NTN3: variants seen among roughly 807,000 people sequenced by gnomAD.
The protein encoded by NTN3 is netrin-3.
NTN3 carries 44 observed loss-of-function variants against 37.2 expected under a neutral mutation model. The ratio of observed to expected loss-of-function variants is 1.18; its 90% confidence interval spans 0.93 to 1.52. The LOEUF is 1.52. NTN3 is among the 40% of genes most tolerant of loss of function. NTN3 has a pLI of 0.00. For synonymous variants in NTN3, 385 were observed against 376.0 expected, an observed-to-expected ratio of 1.02 and a Z score of -0.28; for missense variants, 882 against 857.3, an observed-to-expected ratio of 1.03 and a Z score of -0.36.
In NTN3 at chr16:2,473,849, A is replaced by AGCGC; in HGVS notation, c.1493_1496dup (p.Arg500AlafsTer5). On this transcript the variant is annotated frameshift_variant, in exon 6 of 6. Transcript: ENST00000293973. LOFTEE classifies it low-confidence loss of function (END_TRUNC). ...CTCGCCGTGTTCCGGAGCGGAGAGG[A>AGCGC]GCGCGCGCGGCGCGGGAGTAGCGCG... is the stretch of plus-strand genomic sequence containing the variant. 1.5e-6 allele frequency: 2 copies of AGCGC among 1,323,020 alleles called. No homozygotes were observed. The highest frequency in any genetic ancestry group is 1.9e-6 in the Non-Finnish European group (2 of 1,043,162). The allele number at this position is 1,323,020 out of a possible 1,614,324, so 82.0% of individuals were successfully genotyped here.
Position 2,473,932 on chromosome 16 carries a change from C to A in NTN3, c.1570C>A (p.Arg524Ser), listed in dbSNP as rs569502071. 3.1e-3 allele frequency: 3,681 copies of A among 1,183,128 alleles called. 9 individuals are homozygous for A. Among genetic ancestry groups the A allele is most frequent in the Non-Finnish European group, 3.6e-3 (3,482 of 957,212 alleles). 73.3% of individuals were successfully genotyped at this position (1,183,128 alleles called of 1,614,324 possible). A position where few individuals can be genotyped will look rare whatever the true frequency, so the allele number is the denominator to read the frequency against. ...CTGCCCGCGCCTGCTCCCCGGCCGC[C>A]GCTACCTCCTGCTGGGGGGCGGGCC... ...CGCPRLLPGR[R>S]YLLLGGGPGA... The change falls in exon 6 of 6, where the codon CGC (arginine) becomes AGC (serine). Residue 524 changes from arginine (R) to serine (S), a missense_variant. Coordinates refer to ENST00000293973, the MANE Select transcript of NTN3 (RefSeq NM_006181.3).
rs542612178 is a variant in NTN3, at chr16:2,471,804, G to C, written c.103G>C (p.Gly35Arg). 14 of 1,390,872 alleles carry C rather than the reference G, an allele frequency of 1.0e-5. No homozygotes were observed. Among genetic ancestry groups the C allele is most frequent in the Non-Finnish European group, 1.3e-5 (14 of 1,081,748 alleles). The allele number at this position is 1,390,872 out of a possible 1,614,324, so 86.2% of individuals were successfully genotyped here. ...APADPCHDEG[G>R]APRGCVPGLV... ...CGCCGACCCCTGCCACGATGAGGGG[G>C]GTGCGCCCCGCGGCTGCGTGCCAGG... Residue 35 changes from glycine (G) to arginine (R), a missense_variant, in exon 1 of 6, where the codon GGT becomes CGT. By Grantham distance (125) the Gly-to-Arg change is moderately radical. Coordinates refer to ENST00000293973, the MANE Select transcript of NTN3 (RefSeq NM_006181.3).
rs1322578936 is a variant in NTN3 at position 2,471,870 on chromosome 16, A to G, written c.169A>G (p.Ser57Gly). The change falls in exon 1 of 6, where the codon AGC becomes GGC. Residue 57 changes from serine (S) to glycine (G), a missense_variant. Ser to Gly is a moderately conservative substitution (Grantham distance 56, BLOSUM62 0). Transcript: ENST00000293973. ...CCTGGGCCGCGAGGTGCTGGCTTCCAGCACGTGCGGGCGGCCGGCCACTCG... is the reference window on the plus strand; with the variant it reads ...CCTGGGCCGCGAGGTGCTGGCTTCCGGCACGTGCGGGCGGCCGGCCACTCG... ...AALGREVLAS[S>G]TCGRPATRAC... The G allele has an allele frequency of 2.7e-6, 4 of 1,467,014 alleles. No homozygotes were observed. Among genetic ancestry groups the G allele is most frequent in the Non-Finnish European group, 3.6e-6 (4 of 1,107,880 alleles). The allele number at this position is 1,467,014 out of a possible 1,614,324, so 90.9% of individuals were successfully genotyped here.
chr16:2,472,364 T>G lies in NTN3; in HGVS notation c.663T>G (p.Arg221=), dbSNP rs1254056818. ...LQDWVTATDV[R]VVLTRPSTAG... Reference sequence around the variant, plus strand: ...ACTGGGTGACCGCCACCGACGTCCGTGTAGTGCTCACAAGGCCTAGCACGG... The same window carrying G: ...ACTGGGTGACCGCCACCGACGTCCGGGTAGTGCTCACAAGGCCTAGCACGG... The change falls in exon 1 of 6, where the codon CGT becomes CGG. Residue 221 remains arginine (R), a synonymous_variant. Coordinates refer to ENST00000293973, the MANE Select transcript of NTN3 (RefSeq NM_006181.3). 2.5e-6 allele frequency: 4 copies of G among 1,612,600 alleles called. No homozygotes were observed. The highest frequency in any genetic ancestry group is 3.4e-6 in the Non-Finnish European group (4 of 1,179,764).
intron 3 of NTN3, 22 bp from the exon 4 acceptor site, chr16:2,473,246 C>G: frequency 6.2e-7 from 1 of 1,611,786 alleles, no homozygotes; most frequent in Non-Finnish European, 8.5e-7. Flanking sequence ...CATCGCAGGC[C>G]ATTCTCCCTC....
Position 2,471,779 on chromosome 16 carries a change from C to T in NTN3, c.78C>T (p.Pro26=), listed in dbSNP as rs1226356017. ...CCCTGAGTCCTGGGCCGCCGGCGCC[C>T]GCCGACCCCTGCCACGATGAGGGGG... The part of the protein sequence containing the change: ...FAALSPGPPA[P]ADPCHDEGGA... Residue 26 remains proline (P), a synonymous_variant, in exon 1 of 6, where the codon CCC becomes CCT. Coordinates refer to ENST00000293973, the MANE Select transcript of NTN3 (RefSeq NM_006181.3). 1 of 1,382,358 alleles carries T rather than the reference C, an allele frequency of 7.2e-7. No homozygotes were observed. The highest frequency in any genetic ancestry group is 1.7e-5 in the South Asian group (1 of 60,028). The allele number at this position is 1,382,358 out of a possible 1,614,324, so 85.6% of individuals were successfully genotyped here.
Position 2,471,683 on chromosome 16 carries a change from A to G in NTN3, c.-19A>G. 7.6e-7 allele frequency: 1 copy of G among 1,314,592 alleles called. No individual in the cohort carries two copies. 81.4% of individuals were successfully genotyped at this position (1,314,592 alleles called of 1,614,324 possible). A position where few individuals can be genotyped will look rare whatever the true frequency, so the allele number is the denominator to read the frequency against. ...CGTCTTGGGGCCCGGCCACTGGCTG[A>G]CCCGCAGCGGCTCCGGCCATGCCTG... On this transcript the variant is annotated 5_prime_UTR_variant, in exon 1 of 6. Transcript: ENST00000293973.
chr16:2,472,484 C>T lies in NTN3; in HGVS notation c.783C>T (p.Ala261=), dbSNP rs1204959263. The change falls in exon 1 of 6, where the codon GCC becomes GCT. Residue 261 remains alanine (A), a synonymous_variant. Transcript: ENST00000293973. ...VGGRCKCNGH[A]SRCLLDTQGH... is the part of the protein sequence containing the mutation. ...GGCGCTGCAAGTGCAATGGACATGC[C>T]TCACGGTGCCTGCTGGACACACAGG... 2 of 1,595,468 alleles carry T rather than the reference C, an allele frequency of 1.3e-6. No homozygotes were observed. Among genetic ancestry groups the T allele is most frequent in the East Asian group, 2.2e-5 (1 of 44,870 alleles).
At position 2,471,461 on chromosome 16, in the gene NTN3, A is replaced by C; in HGVS notation, c.-241A>C. 2.8e-6 allele frequency: 1 copy of C among 351,290 alleles called. No individual in the cohort carries two copies. Among genetic ancestry groups the C allele is most frequent in the Non-Finnish European group, 5.1e-6 (1 of 196,648 alleles). The allele number at this position is 351,290 out of a possible 1,614,324, so 21.8% of individuals were successfully genotyped here. ...GGCCTCCGCGGGCGGAGGCACCGGGAGCGGGGGCGACGCCTGTCATCGCTC... is the reference window on the plus strand; with the variant it reads ...GGCCTCCGCGGGCGGAGGCACCGGGCGCGGGGGCGACGCCTGTCATCGCTC... On this transcript the variant is annotated 5_prime_UTR_variant, in exon 1 of 6. Transcript: ENST00000293973.
At position 2,472,779 on chromosome 16, in the gene NTN3, G is replaced by C; in HGVS notation, c.1007G>C (p.Gly336Ala). 1.2e-6 allele frequency: 2 copies of C among 1,608,522 alleles called. No individual in the cohort carries two copies. The highest frequency in any genetic ancestry group is 1.7e-6 in the Non-Finnish European group (2 of 1,179,640). The change falls in exon 2 of 6, where the codon GGT becomes GCT. Residue 336 changes from glycine to alanine, a missense_variant. Gly to Ala is a moderately conservative substitution (Grantham distance 60). Coordinates refer to ENST00000293973, the MANE Select transcript of NTN3 (RefSeq NM_006181.3). The stretch of plus-strand genomic sequence containing the variant: ...CGACTGTCCGGCCGCCGCAGCGGGG[G>C]TGTCTGTCTCAACTGCCGGCACAAC... Reference protein sequence around the residue: ...LYRLSGRRSGGVCLNCRHNTA... With the variant: ...LYRLSGRRSGAVCLNCRHNTA...
chr16:2,472,280 C>A lies in NTN3; in HGVS notation c.579C>A (p.Phe193Leu), dbSNP rs760204032. The change falls in exon 1 of 6, where the codon TTC (phenylalanine) becomes TTA (leucine). Residue 193 changes from phenylalanine (F) to leucine (L), a missense_variant. Phe to Leu is a conservative substitution (Grantham distance 22, BLOSUM62 0). Coordinates refer to ENST00000293973, the MANE Select transcript of NTN3 (RefSeq NM_006181.3). ...AQPDGSGLLA[F>L]SMQDSSPPGL... is the part of the protein sequence containing the mutation. ...CTGATGGCAGCGGCCTTCTGGCCTT[C>A]AGCATGCAGGACAGCAGCCCCCCAG... 6 of 1,607,428 alleles carry A rather than the reference C, an allele frequency of 3.7e-6. No individual in the cohort carries two copies. Among genetic ancestry groups the A allele is most frequent in the Non-Finnish European group, 5.1e-6 (6 of 1,176,664 alleles).
Position 2,472,472 on chromosome 16 carries a change from C to G in NTN3, c.771C>G (p.Cys257Trp). The G allele has an allele frequency of 6.3e-7, 1 of 1,596,210 alleles. No individual in the cohort carries two copies. Among genetic ancestry groups the G allele is most frequent in the Non-Finnish European group, 8.6e-7 (1 of 1,164,502 alleles). Residue 257 changes from cysteine to tryptophan, a missense_variant, in exon 1 of 6, where the codon TGC (cysteine) becomes TGG (tryptophan). Transcript: ENST00000293973. Reference protein sequence around the residue: ...TDLQVGGRCKCNGHASRCLLD... With the variant: ...TDLQVGGRCKWNGHASRCLLD... ...TCCAGGTGGGCGGGCGCTGCAAGTG[C>G]AATGGACATGCCTCACGGTGCCTGC... is the stretch of plus-strand genomic sequence containing the variant.
chr16:2,472,014 GTGACTC>G lies in NTN3; in HGVS notation c.315_320del (p.Leu107_Thr108del). 6.2e-7 allele frequency: 1 copy of G among 1,606,370 alleles called. No homozygotes were observed. Among genetic ancestry groups the G allele is most frequent in the African/African-American group, 1.3e-5 (1 of 75,044 alleles). ...GTCCCTGCCTCGGGCGCCCCTCAAC[GTGACTC>G]TCACGGTGCCCCTGGGCAAGGCTTT... On this transcript the variant is annotated inframe_deletion, in exon 1 of 6. Coordinates refer to ENST00000293973, the MANE Select transcript of NTN3 (RefSeq NM_006181.3).
At position 2,472,037 on chromosome 16, in the gene NTN3, C is replaced by G. The variant is rs1160926718; in HGVS notation, c.336C>G (p.Gly112=). The change falls in exon 1 of 6, where the codon GGC becomes GGG. Residue 112 remains glycine (G), a synonymous_variant. Coordinates refer to ENST00000293973, the MANE Select transcript of NTN3 (RefSeq NM_006181.3). ...PLNVTLTVPL[G]KAFELVFVSL... is the part of the protein sequence containing the mutation. ...ACGTGACTCTCACGGTGCCCCTGGG[C>G]AAGGCTTTTGAGCTGGTCTTCGTGA... The G allele has an allele frequency of 6.2e-7, 1 of 1,608,728 alleles. No individual in the cohort carries two copies.
Position 2,471,565 on chromosome 16 carries a change from G to A in NTN3, c.-137G>A. On this transcript the variant is annotated 5_prime_UTR_variant, in exon 1 of 6. Transcript: ENST00000293973. Reference sequence around the variant, plus strand: ...CGTGCCCGCCGCTGCTCCCACCTCTGGGCCGGGCTGGGGCCGCCCGGGGGC... The same window carrying A: ...CGTGCCCGCCGCTGCTCCCACCTCTAGGCCGGGCTGGGGCCGCCCGGGGGC... 1 of 544,800 alleles carries A rather than the reference G, an allele frequency of 1.8e-6. No individual in the cohort carries two copies. Among genetic ancestry groups the A allele is most frequent in the Non-Finnish European group, 2.9e-6 (1 of 348,698 alleles). The allele number at this position is 544,800 out of a possible 1,614,324, so 33.7% of individuals were successfully genotyped here. A position where few individuals can be genotyped will look rare whatever the true frequency, so the allele number is the denominator to read the frequency against.
At position 2,473,000 on chromosome 16, in the gene NTN3, C is replaced by T. The variant is rs375855313; in HGVS notation, c.1133C>T (p.Pro378Leu). The change falls in exon 3 of 6, where the codon CCG (proline) becomes CTG (leucine). Residue 378 changes from proline (P) to leucine (L), a missense_variant. By Grantham distance (98) the Pro-to-Leu change is moderately conservative. Transcript: ENST00000293973. ...CTGTCCTCAGCCTGCGACTGTCACC[C>T]GGTTGGTGCTGCTGGCAAGACCTGC... is the stretch of plus-strand genomic sequence containing the variant. Reference protein sequence around the residue: ...RRACRACDCHPVGAAGKTCNQ... With the variant: ...RRACRACDCHLVGAAGKTCNQ... The T allele has an allele frequency of 2.0e-5, 32 of 1,603,888 alleles. No homozygotes were observed. Among genetic ancestry groups the T allele is most frequent in the East Asian group, 8.9e-5 (4 of 44,718 alleles).
chr16:2,471,635 G>A lies in NTN3; in HGVS notation c.-67G>A, dbSNP rs948675112. ...GGCCTGGTGGGCAGAGCCGCGGAGA[G>A]GGCTTCTTTTCCCCAAGGGCAGCGT... On this transcript the variant is annotated 5_prime_UTR_variant, in exon 1 of 6. Transcript: ENST00000293973. The A allele has an allele frequency of 8.5e-7, 1 of 1,176,006 alleles. No individual in the cohort carries two copies. Among genetic ancestry groups the A allele is most frequent in the Non-Finnish European group, 1.1e-6 (1 of 914,648 alleles). The allele number at this position is 1,176,006 out of a possible 1,614,324, so 72.8% of individuals were successfully genotyped here. A position where few individuals can be genotyped will look rare whatever the true frequency, so the allele number is the denominator to read the frequency against.
In NTN3 at chr16:2,471,780, G is replaced by C. The variant is rs2065521955; in HGVS notation, c.79G>C (p.Ala27Pro). ...CCTGAGTCCTGGGCCGCCGGCGCCC[G>C]CCGACCCCTGCCACGATGAGGGGGG... ...AALSPGPPAP[A>P]DPCHDEGGAP... Residue 27 changes from alanine to proline, a missense_variant, in exon 1 of 6, where the codon GCC becomes CCC. Transcript: ENST00000293973. 2.2e-6 allele frequency: 3 copies of C among 1,380,806 alleles called. No individual in the cohort carries two copies. The highest frequency in any genetic ancestry group is 2.8e-6 in the Non-Finnish European group (3 of 1,075,904). The allele number at this position is 1,380,806 out of a possible 1,614,324, so 85.5% of individuals were successfully genotyped here.
rs776346895 is a variant in NTN3 at position 2,471,909 on chromosome 16, T to A, written c.208T>A (p.Ser70Thr). 5 of 1,533,604 alleles carry A rather than the reference T, an allele frequency of 3.3e-6. No homozygotes were observed. In the African/African-American group the frequency reaches 6.9e-5, roughly 21 times the overall value. 95.0% of individuals were successfully genotyped at this position (1,533,604 alleles called of 1,614,324 possible). ...GCCGGCCACTCGGGCCTGCGACGCC[T>A]CCGACCCGCGACGGGCACACTCCCC... ...GRPATRACDA[S>T]DPRRAHSPAL... The change falls in exon 1 of 6, where the codon TCC becomes ACC. Residue 70 changes from serine (S) to threonine (T), a missense_variant. By Grantham distance (58) the Ser-to-Thr change is moderately conservative. Transcript: ENST00000293973.
Sources: gnomAD v4.1 joint callset for allele counts on GRCh38, gnomAD v4.1.1 for gene constraint, MANE v1.5 for transcripts, NCBI Gene and HGNC (gene_info 2026-07-23, HGNC 2026-07-21) for gene names.